NREP: variants seen among roughly 807,000 people sequenced by gnomAD.
NREP encodes neuronal regeneration related protein, also known as neuronal regeneration-related protein.
In NREP, 5 loss-of-function variants were observed where a neutral mutation model predicts 8.6. The ratio of observed to expected loss-of-function variants is 0.58; its 90% CI spans 0.30 to 1.22. NREP has a LOEUF of 1.22. Among genes scored for constraint, NREP ranks in the 50% most tolerant of loss-of-function variants. NREP has a pLI of 0.07. For missense variants in NREP, 86 were observed against 82.5 expected (o/e 1.04, Z -0.17); for synonymous variants, 27 against 28.0 (o/e 0.96, Z 0.11).
chr5:111,961,427 T>C (rs572631152), intron 2 of NREP, among the ~76,000 whole-genome samples: 1 of 152,358 alleles, frequency 6.6e-6, no homozygotes, highest in Non-Finnish European at 1.5e-5. Context: ...CAGAGCTTCC[T>C]TAATTTGACA....
chr5:111,886,516 T>C (rs1218946784), intron 2 of NREP, among the ~76,000 whole-genome samples: 2 of 151,836 alleles, frequency 1.3e-5, no homozygotes, highest in Admixed American at 1.3e-4. Flanking sequence ...TAAAGACACA[T>C]GCACACGTAT....
rs1748439987 is a variant in NREP, at chr5:111,730,436, CTACTTCTA to C, written c.*477_*484del. 6.6e-6 allele frequency: 1 copy of C among 152,244 alleles called. No individual in the cohort carries two copies. The highest frequency in any genetic ancestry group is 2.1e-4 in the South Asian group (1 of 4,810). The allele number at this position is 152,244 out of a possible 1,614,324, so 9.4% of individuals were successfully genotyped here. ...CCACAAGGAAACAATGAGTTTCAAACTACTTCTATACATCAAAAGAGTACATGGATAAA... is the reference window on the plus strand; with the variant it reads ...CCACAAGGAAACAATGAGTTTCAAACTACATCAAAAGAGTACATGGATAAA... On this transcript the variant is annotated 3_prime_UTR_variant, in exon 4 of 4. Coordinates refer to ENST00000257435, the MANE Select transcript of NREP (RefSeq NM_004772.4).
intron 2 of NREP, among the ~76,000 whole-genome samples, chr5:111,907,276 C>T (rs911618713): frequency 2.0e-5 from 3 of 151,986 alleles, no homozygotes; most frequent in African/African-American, 7.2e-5. Context: ...CCAATGTCTC[C>T]TTGATTTTCT....
At chr5:111,809,746 T>A (rs1330857818) in intron 2 of NREP, among the ~76,000 whole-genome samples, 1 of 152,136 alleles carries the variant, frequency 6.6e-6, no homozygotes, top group African/African-American at 2.4e-5. Context: ...AACCTTTTTT[T>A]AAAATAAATT....
intron 2 of NREP, among the ~76,000 whole-genome samples, chr5:111,907,197 A>T (rs1158774697): frequency 6.6e-6 from 1 of 152,054 alleles, no homozygotes; most frequent in African/African-American, 2.4e-5. Flanking sequence ...AATTTTATGA[A>T]GTCTGGCATC....
intron 2 of NREP, among the ~76,000 whole-genome samples, chr5:111,772,756 A>G (rs1023479980): frequency 6.6e-6 from 1 of 152,126 alleles, no homozygotes; most frequent in Admixed American, 6.5e-5. Context: ...CTTCTGACTC[A>G]GCACCTGAAA....
At chr5:111,818,505 G>A (rs1313894608) in intron 2 of NREP, among the ~76,000 whole-genome samples, 1 of 152,132 alleles carries the variant, frequency 6.6e-6, no homozygotes, top group East Asian at 1.9e-4. Context: ...TCTGTGGCCA[G>A]TGACTTTCAT....
At chr5:111,820,661 T>C (rs972998535) in intron 2 of NREP, among the ~76,000 whole-genome samples, 1 of 152,178 alleles carries the variant, frequency 6.6e-6, no homozygotes, top group Admixed American at 6.5e-5. Flanking sequence ...TCTACACATT[T>C]AAAATATTTC....
At chr5:111,867,682 T>C (rs573285428) in intron 2 of NREP, among the ~76,000 whole-genome samples, 17 of 152,088 alleles carry the variant, frequency 1.1e-4, no homozygotes, top group Non-Finnish European at 1.9e-4. Context: ...AAGAGTCACA[T>C]AGGAGTTTGA....
At chr5:111,805,095 C>A (rs1478568190) in intron 2 of NREP, among the ~76,000 whole-genome samples, 1 of 151,536 alleles carries the variant, frequency 6.6e-6, no homozygotes, top group African/African-American at 2.5e-5. Context: ...AGCTCTCAAA[C>A]CTAAAAAAAG....
At chr5:111,792,935 A>T (rs189344499) in intron 2 of NREP, among the ~76,000 whole-genome samples, 96 of 152,286 alleles carry the variant, frequency 6.3e-4, no homozygotes, top group African/African-American at 2.3e-3. Context: ...ATTTGGTGGA[A>T]CTTTGTTATT....
chr5:111,873,172 A>T (rs1220015305), intron 2 of NREP, among the ~76,000 whole-genome samples: 2 of 152,332 alleles, frequency 1.3e-5, no homozygotes, highest in East Asian at 3.9e-4. Flanking sequence ...TTAAATATCC[A>T]TTAAAGGATG....
At chr5:111,828,270 T>C (rs1480246034) in intron 2 of NREP, among the ~76,000 whole-genome samples, 1 of 152,130 alleles carries the variant, frequency 6.6e-6, no homozygotes, top group Non-Finnish European at 1.5e-5. Context: ...CCTCAAGTGA[T>C]CCACCGCCTC....
intron 2 of NREP, among the ~76,000 whole-genome samples, chr5:111,845,380 G>T (rs1753137477): frequency 6.6e-6 from 1 of 151,572 alleles, no homozygotes; most frequent in Non-Finnish European, 1.5e-5. Context: ...TGTTCAAATT[G>T]ATGTTTCTGT....
intron 2 of NREP, among the ~76,000 whole-genome samples, chr5:111,821,694 G>A (rs1440014124): frequency 7.2e-5 from 11 of 152,128 alleles, no homozygotes; most frequent in Admixed American, 5.9e-4. Flanking sequence ...GAGCAGAGAT[G>A]TGTGTTGAGT....
At chr5:111,867,893 G>C (rs1253438650) in intron 2 of NREP, among the ~76,000 whole-genome samples, 4 of 151,836 alleles carry the variant, frequency 2.6e-5, no homozygotes, top group Non-Finnish European at 5.9e-5. Context: ...ATGACATCTA[G>C]TATATTCAAA....
chr5:111,846,428 T>C (rs1326328273), intron 2 of NREP: 3 of 99,270 alleles, frequency 3.0e-5, no homozygotes, highest in Non-Finnish European at 4.1e-5. Flanking sequence ...TGCTTTTTTT[T>C]TTTTTTTTTT....
chr5:111,743,509 T>G (rs1053634459), intron 2 of NREP, among the ~76,000 whole-genome samples: 11 of 152,188 alleles, frequency 7.2e-5, no homozygotes, highest in African/African-American at 2.7e-4. Context: ...ACTAAGAAAT[T>G]AGGAATATGA....
chr5:111,777,023 A>AGGG lies in NREP; in HGVS notation c.136-41517_136-41516insCCC, dbSNP rs1751380029. On this transcript the variant is annotated intron_variant, in intron 2 of 3. Transcript: ENST00000395634. ...AGGAGGAGGAAGGAGGTGGAGGAGG[A>AGGG]GGAGGAAGGAGGTGGAGGAGGAGGA... Among the ~76,000 whole-genome samples, 4 of 150,126 alleles carry AGGG rather than the reference A, an allele frequency of 2.7e-5. No individual in the cohort carries two copies. In the South Asian group the frequency reaches 8.5e-4, roughly 32 times the overall value.
Sources: gnomAD v4.1 joint callset for allele counts (sites outside exome capture counted in the v4.1 genomes callset) on GRCh38, gnomAD v4.1.1 for gene constraint, MANE v1.5 for transcripts, NCBI Gene and HGNC (gene_info 2026-07-23, HGNC 2026-07-21) for gene names.